The following CERK variants were observed in gnomAD, a reference collection of about 807,000 sequenced individuals.
CERK encodes acylsphingosine kinase.
CERK carries 39 observed loss-of-function variants against 63.4 expected under a neutral mutation model. The observed-to-expected ratio is 0.61, with a 90% confidence interval of 0.48 to 0.80. The LOEUF (loss-of-function observed/expected upper bound fraction) is 0.80, where lower values mean the gene tolerates loss of function less well. Among genes scored for constraint, CERK ranks in the 30% least tolerant of loss-of-function variants. The pLI is 0.00. For missense variants in CERK, 670 were observed against 714.1 expected (o/e 0.94, Z 0.70); for synonymous variants, 302 against 280.0 (o/e 1.08, Z -0.78).
chr22:46,725,109 G>GACTCCACAGTGAGAGA (rs1294286912), intron 1 of CERK, among the ~76,000 whole-genome samples: 1 of 152,172 alleles, frequency 6.6e-6, no homozygotes, highest in African/African-American at 2.4e-5. Context: ...TTAAGCTGAG[G>GACTCCACAGTGAGAGA]ACTCCACAGT....
chr22:46,714,717 G>T lies in CERK; in HGVS notation c.380-2424C>A, dbSNP rs115163348. On this transcript the variant is annotated intron_variant, in intron 3 of 12. Coordinates refer to ENST00000216264, the MANE Select transcript of CERK (RefSeq NM_022766.6). The surrounding 1 kb of genome is among the most constrained non-coding windows in gnomAD (Gnocchi z 4.4). ...AAAATAGCCTCAAGATTATAGGAACGCTTCCAGAGAACAGAAAAAAACAAA... is the reference window on the plus strand; with the variant it reads ...AAAATAGCCTCAAGATTATAGGAACTCTTCCAGAGAACAGAAAAAAACAAA... Among the ~76,000 whole-genome samples, 2,806 of 152,170 alleles carry T rather than the reference G, an allele frequency of 0.018. 77 individuals are homozygous for T. Among genetic ancestry groups the T allele is most frequent in the African/African-American group, 0.065 (2,689 of 41,496 alleles).
At position 46,713,515 on chromosome 22, in the gene CERK, A is replaced by AC. The variant is rs1334524351; in HGVS notation, c.380-1223_380-1222insG. 6.7e-3 allele frequency among the ~76,000 whole-genome samples: 1,006 copies of AC among 150,296 alleles called. 16 individuals are homozygous for AC. The highest frequency in any genetic ancestry group is 0.023 in the African/African-American group (957 of 40,836). ...CAGAGTGAGACTTCATCTCAAAAAAAAAAAAAAAAAAAAACAAACAAACAA... is the reference window on the plus strand; with the variant it reads ...CAGAGTGAGACTTCATCTCAAAAAAACAAAAAAAAAAAAAACAAACAAACAA... On this transcript the variant is annotated intron_variant, in intron 3 of 12. Transcript: ENST00000216264.
At chr22:46,737,350 T>G (rs2082979774) in intron 1 of CERK, among the ~76,000 whole-genome samples, 2 of 151,612 alleles carry the variant, frequency 1.3e-5, no homozygotes, top group African/African-American at 4.9e-5. Context: ...ACAAACCCTC[T>G]GTCCTCCTGC....
intron 1 of CERK, among the ~76,000 whole-genome samples, chr22:46,737,300 A>AAAAAAAC (rs759125942): frequency 6.7e-6 from 1 of 150,004 alleles, no homozygotes. Flanking sequence ...TCAAAAAAAA[A>AAAAAAAC]AAAAAACAAA....
chr22:46,737,318 CA>C (rs1188519706), intron 1 of CERK, among the ~76,000 whole-genome samples: 1 of 149,838 alleles, frequency 6.7e-6, no homozygotes, highest in African/African-American at 2.5e-5. Context: ...AAAAAACAAA[CA>C]AAAAACAACA....
At chr22:46,706,929 A>G (rs900589319) in intron 6 of CERK, among the ~76,000 whole-genome samples, 2 of 152,016 alleles carry the variant, frequency 1.3e-5, no homozygotes, top group South Asian at 2.1e-4. Flanking sequence ...CTGGCCCACA[A>G]TGTCACCTGT....
chr22:46,724,453 G>A (rs547671473), intron 1 of CERK, among the ~76,000 whole-genome samples: 2 of 152,322 alleles, frequency 1.3e-5, no homozygotes, highest in South Asian at 2.1e-4. Flanking sequence ...TGCGGCTCAG[G>A]ACAAGGGCTT....
chr22:46,709,453 C>T (rs2082829758), intron 5 of CERK, among the ~76,000 whole-genome samples: 1 of 152,112 alleles, frequency 6.6e-6, no homozygotes, highest in Non-Finnish European at 1.5e-5. Flanking sequence ...ATGGAGGAGC[C>T]CCCTGCTTCC....
chr22:46,716,206 TTA>T (rs201747953), intron 3 of CERK, among the ~76,000 whole-genome samples: 4,490 of 151,282 alleles, frequency 0.03, 243 homozygotes, highest in African/African-American at 0.1. Flanking sequence ...TTTTTTTTTT[TTA>T]AAGATGGAGT....
chr22:46,728,979 C>G (rs1478363518), intron 1 of CERK, among the ~76,000 whole-genome samples: 1 of 152,220 alleles, frequency 6.6e-6, no homozygotes, highest in Non-Finnish European at 1.5e-5. Context: ...CAGCCAGGGC[C>G]TCGGAGGCTG....
intron 2 of CERK, 114 bp from the exon 3 acceptor site, chr22:46,720,322 G>A (rs2082885965): frequency 8.0e-7 from 1 of 1,255,210 alleles, no homozygotes; most frequent in Non-Finnish European, 1.1e-6. Context: ...AAATTTCCCA[G>A]GGGTTCTCCT....
chr22:46,712,764 G>A (rs1019832455), intron 3 of CERK, among the ~76,000 whole-genome samples: 1 of 152,152 alleles, frequency 6.6e-6, no homozygotes, highest in Non-Finnish European at 1.5e-5. Flanking sequence ...ACAGAAACCA[G>A]TGACCTCGTT....
In CERK at chr22:46,698,479, GAAGTA is replaced by G. The variant is rs1207473029; in HGVS notation, c.943+829_943+833del. Reference sequence around the variant, plus strand: ...ACAAAACCACGCAACCTTGTTGAATGAAGTAAAGGATACCTGTGCCTGAAGTTACA... The same window carrying G: ...ACAAAACCACGCAACCTTGTTGAATGAAGGATACCTGTGCCTGAAGTTACA... On this transcript the variant is annotated intron_variant, in intron 8 of 12. Coordinates refer to ENST00000216264, the MANE Select transcript of CERK (RefSeq NM_022766.6). Among the ~76,000 whole-genome samples, 4 of 152,366 alleles carry G rather than the reference GAAGTA, an allele frequency of 2.6e-5. No homozygotes were observed. In the East Asian group the frequency reaches 7.7e-4, roughly 29 times the overall value.
chr22:46,701,626 A>C lies in CERK; in HGVS notation c.790+10T>G. The C allele has an allele frequency of 6.4e-7, 1 of 1,553,732 alleles. No homozygotes were observed. The highest frequency in any genetic ancestry group is 8.7e-7 in the Non-Finnish European group (1 of 1,148,622). The stretch of plus-strand genomic sequence containing the variant: ...CTGCCACCGTGCGCATGCGCAGAGG[A>C]GGGGCTCACCAACAACGATATGCAG... On this transcript the variant is annotated intron_variant, in intron 7 of 12. Coordinates refer to ENST00000216264, the MANE Select transcript of CERK (RefSeq NM_022766.6).
chr22:46,733,133 G>A (rs1427161741), intron 1 of CERK, among the ~76,000 whole-genome samples: 5 of 147,998 alleles, frequency 3.4e-5, no homozygotes, highest in East Asian at 4.1e-4. Context: ...GTGTGAACCC[G>A]GGAGGCGGAG....
chr22:46,696,466 CA>C (rs1403577235), intron 8 of CERK, among the ~76,000 whole-genome samples: 1 of 152,174 alleles, frequency 6.6e-6, no homozygotes, highest in African/African-American at 2.4e-5. Context: ...GTGCAGGGGG[CA>C]GGGGGGCAGC....
In CERK at chr22:46,702,221, ATATGTG is replaced by A. The variant is rs1244921784; in HGVS notation, c.716-517_716-512del. On this transcript the variant is annotated intron_variant, in intron 6 of 12. Coordinates refer to ENST00000216264, the MANE Select transcript of CERK (RefSeq NM_022766.6). Reference sequence around the variant, plus strand: ...GAGCCAAAAAGTTAAAAAAATATATATATGTGTGTGTGTGTGTGTGTGTGTGTGTGT... The same window carrying A: ...GAGCCAAAAAGTTAAAAAAATATATATGTGTGTGTGTGTGTGTGTGTGTGT... 8.6e-3 allele frequency among the ~76,000 whole-genome samples: 971 copies of A among 113,334 alleles called. 10 individuals are homozygous for A. Among genetic ancestry groups the A allele is most frequent in the South Asian group, 0.034 (118 of 3,430 alleles). 74.4% of individuals were successfully genotyped at this position (113,334 alleles called of 152,430 possible).
At chr22:46,737,952 G>A in intron 1 of CERK, 55 bp downstream of exon 1, 1 of 1,115,306 alleles carries the variant, frequency 9.0e-7, no homozygotes, top group Non-Finnish European at 1.1e-6. Context: ...GGTCCCCCAA[G>A]CCGCCCCCGC....
intron 6 of CERK, among the ~76,000 whole-genome samples, chr22:46,707,088 C>G (rs2082816626): frequency 6.6e-6 from 1 of 152,104 alleles, no homozygotes. Context: ...TGACCTCACC[C>G]CCAGTCCTCC....
Sources: allele counts gnomAD v4.1 joint callset (sites outside exome capture counted in the v4.1 genomes callset), GRCh38; gene constraint gnomAD v4.1.1; non-coding constraint Gnocchi (gnomAD v3.1); transcripts MANE v1.5; gene names NCBI Gene and HGNC (gene_info 2026-07-23, HGNC 2026-07-21).